The following PPM1A variants were observed in gnomAD, a reference collection of about 807,000 sequenced individuals.
PPM1A encodes the protein protein phosphatase, Mg2+/Mn2+ dependent 1A, also known as protein phosphatase 1A.
PPM1A carries 7 observed loss-of-function variants against 35.0 expected under a neutral mutation model. The ratio of observed to expected loss-of-function variants is 0.20; its 90% CI spans 0.11 to 0.38. The LOEUF (loss-of-function observed/expected upper bound fraction) is 0.38, where lower values mean the gene tolerates loss of function less well. Among genes scored for constraint, PPM1A ranks in the 10% least tolerant of loss-of-function variants. The probability of loss-of-function intolerance (pLI) is 1.00; values close to 1 mark genes in which losing one functional copy is unlikely to be tolerated. For synonymous variants in PPM1A, 153 were observed against 167.3 expected, an observed-to-expected ratio of 0.91 and a Z score of 0.66; for missense variants, 239 against 467.8, an observed-to-expected ratio of 0.51 and a Z score of 4.51.
chr14:60,247,577 C>A (rs1202851981), upstream of PPM1A, among the ~76,000 whole-genome samples: 1 of 138,534 alleles, frequency 7.2e-6, no homozygotes, highest in Non-Finnish European at 1.5e-5. Flanking sequence ...TTGCAGTGAG[C>A]CGAGATTGTG....
At chr14:60,264,864 T>C (rs991467971) in intron 1 of PPM1A, among the ~76,000 whole-genome samples, 1 of 152,214 alleles carries the variant, frequency 6.6e-6, no homozygotes, top group African/African-American at 2.4e-5. Context: ...TTTCTGCCTA[T>C]TTTTAATTTT....
rs1292864796 is a variant in PPM1A, at chr14:60,283,132, C to T, written c.429C>T (p.Asn143=). 6.2e-7 allele frequency: 1 copy of T among 1,614,202 alleles called. No individual in the cohort carries two copies. The highest frequency in any genetic ancestry group is 2.2e-5 in the East Asian group (1 of 44,886). ...LISPQHTYFI[N]CGDSRGLLCR... Reference sequence around the variant, plus strand: ...CTCCCCAACATACTTATTTCATTAACTGTGGAGACTCAAGAGGTTTACTTT... The same window carrying T: ...CTCCCCAACATACTTATTTCATTAATTGTGGAGACTCAAGAGGTTTACTTT... Residue 143 remains asparagine, a synonymous_variant, in exon 2 of 6, where the codon AAC becomes AAT. Transcript: ENST00000395076. The surrounding 1 kb of genome is among the most constrained non-coding windows in gnomAD (Gnocchi z 6.3).
intron 1 of PPM1A, chr14:60,277,133 C>G (rs977400150): frequency 1.2e-6 from 1 of 858,956 alleles, no homozygotes; most frequent in East Asian, 8.1e-5. Flanking sequence ...TAAAAACTTT[C>G]ATGGACAAAT....
chr14:60,255,393 G>A (rs1308869452), intron 1 of PPM1A, among the ~76,000 whole-genome samples: 1 of 151,520 alleles, frequency 6.6e-6, no homozygotes, highest in Non-Finnish European at 1.5e-5. Flanking sequence ...GGATGGTCTC[G>A]ATCTCCTGAC....
chr14:60,283,658 T>TA lies in PPM1A; in HGVS notation c.834+121_834+122insA. The TA allele has an allele frequency of 1.1e-6, 1 of 924,466 alleles. No individual in the cohort carries two copies. Among genetic ancestry groups the TA allele is most frequent in the Non-Finnish European group, 1.6e-6 (1 of 628,660 alleles). 57.3% of individuals were successfully genotyped at this position (924,466 alleles called of 1,614,324 possible). On this transcript the variant is annotated intron_variant, in intron 2 of 5. Transcript: ENST00000395076. This position sits in a 1 kb window ranked among gnomAD's most constrained non-coding sequence, Gnocchi z 6.3. ...AGTTTTTGGCACAACTGTAGGATAC[T>TA]GTTCACCAATTATGAAAATATATCA...
chr14:60,275,888 A>C (rs1419398603), intron 1 of PPM1A, among the ~76,000 whole-genome samples: 2 of 136,204 alleles, frequency 1.5e-5, no homozygotes, highest in Non-Finnish European at 1.6e-5. Context: ...AGTTTTGTTA[A>C]TGTGCTTATT....
intron 1 of PPM1A, among the ~76,000 whole-genome samples, chr14:60,271,017 A>C (rs574602767): frequency 6.6e-5 from 10 of 152,264 alleles, no homozygotes; most frequent in Admixed American, 6.5e-4. Context: ...CACAAGTTCA[A>C]TATCATTTTC....
At chr14:60,269,387 T>C (rs1343501956) in intron 1 of PPM1A, among the ~76,000 whole-genome samples, 2 of 152,214 alleles carry the variant, frequency 1.3e-5, no homozygotes, top group Non-Finnish European at 2.9e-5. Flanking sequence ...GTCTTCTTAT[T>C]GCGTTTACAT....
At chr14:60,265,104 T>G (rs1453976363) in intron 1 of PPM1A, among the ~76,000 whole-genome samples, 1 of 152,228 alleles carries the variant, frequency 6.6e-6, no homozygotes, top group African/African-American at 2.4e-5. Context: ...CACCTACATC[T>G]CTGTCTAAAA....
chr14:60,250,043 G>GT (rs1458709951), intron 1 of PPM1A, among the ~76,000 whole-genome samples: 5 of 151,346 alleles, frequency 3.3e-5, no homozygotes, highest in African/African-American at 1.2e-4. Flanking sequence ...TCCCGAGCGG[G>GT]GAGGGGGCGT....
At chr14:60,249,153 G>GGGCGGGGCGAGC, upstream of PPM1A, 2 of 877,684 alleles carry the variant, frequency 2.3e-6, no homozygotes, top group Non-Finnish European at 2.7e-6. This position sits in a 1 kb window ranked among gnomAD's most constrained non-coding sequence, Gnocchi z 4.5. Context: ...GGAGCCAGCG[G>GGGCGGGGCGAGC]GGCGGGGCGA....
chr14:60,268,241 T>TC, intron 1 of PPM1A: 2 of 953,550 alleles, frequency 2.1e-6, no homozygotes, highest in Non-Finnish European at 2.5e-6. Context: ...TTTCATGAGC[T>TC]CTGAAGTTTT....
At chr14:60,253,301 G>A (rs571690073) in intron 1 of PPM1A, among the ~76,000 whole-genome samples, 5 of 152,162 alleles carry the variant, frequency 3.3e-5, no homozygotes, top group African/African-American at 4.8e-5. Flanking sequence ...ACAGAAGAAC[G>A]TCATGAAAGC....
At chr14:60,288,867 C>T (rs566056076) in intron 3 of PPM1A, among the ~76,000 whole-genome samples, 11 of 152,170 alleles carry the variant, frequency 7.2e-5, no homozygotes, top group Admixed American at 5.9e-4. Context: ...GACCATATAA[C>T]TTACAAATAC....
At chr14:60,288,285 G>A (rs2139575217) in intron 3 of PPM1A, 1 of 961,824 alleles carries the variant, frequency 1.0e-6, no homozygotes, top group Non-Finnish European at 1.2e-6. Flanking sequence ...AAATATAGAT[G>A]ATTCAAGGTA....
At chr14:60,285,487 C>G in intron 2 of PPM1A, 137 bp from the exon 3 acceptor site, 1 of 788,770 alleles carries the variant, frequency 1.3e-6, no homozygotes, top group Non-Finnish European at 2.0e-6. Context: ...CATGCGTGCA[C>G]ATATGTATTT....
intron 1 of PPM1A, among the ~76,000 whole-genome samples, chr14:60,270,034 T>C (rs1595312093): frequency 6.6e-6 from 1 of 152,216 alleles, no homozygotes; most frequent in South Asian, 2.1e-4. Flanking sequence ...TTCCATTATT[T>C]GGTTTTCTTA....
At chr14:60,266,020 C>T (rs1184717847) in intron 1 of PPM1A, among the ~76,000 whole-genome samples, 1 of 152,184 alleles carries the variant, frequency 6.6e-6, no homozygotes, top group African/African-American at 2.4e-5. Context: ...TACTAGTTGA[C>T]TCTCCTACTT....
Position 60,255,624 on chromosome 14 carries a change from G to A in PPM1A, c.-21+5947G>A, listed in dbSNP as rs183555324. On this transcript the variant is annotated intron_variant, in intron 1 of 5. Transcript: ENST00000395076. The stretch of plus-strand genomic sequence containing the variant: ...CATTCAGATATTTGGTAAGTATTAA[G>A]CAAAATCTACCTGGAGTGAAAGTGA... Among the ~76,000 whole-genome samples the A allele has an allele frequency of 3.3e-3, 504 of 152,328 alleles. 2 individuals carry two copies. Among genetic ancestry groups the A allele is most frequent in the Middle Eastern group, 6.8e-3 (2 of 294 alleles).
Sources: gnomAD v4.1 joint callset for allele counts (sites outside exome capture counted in the v4.1 genomes callset) on GRCh38, gnomAD v4.1.1 for gene constraint, Gnocchi (gnomAD v3.1) non-coding constraint, MANE v1.5 for transcripts, NCBI Gene and HGNC (gene_info 2026-07-23, HGNC 2026-07-21) for gene names.